CEP128: variants seen among roughly 807,000 people sequenced by gnomAD.
The protein encoded by CEP128 is centrosomal protein 128kDa.
Under a neutral mutation model 156.7 loss-of-function variants are expected in CEP128, and 132 were observed. The ratio of observed to expected loss-of-function variants is 0.84; its 90% CI spans 0.73 to 0.97. The LOEUF is 0.97. Ranked by LOEUF, CEP128 falls within the 50% of genes least tolerant of loss-of-function variation. The pLI is 0.00. For missense variants in CEP128, 1,252 were observed against 1,281.9 expected (o/e 0.98, Z 0.36); for synonymous variants, 469 against 448.9 (o/e 1.04, Z -0.57).
At chr14:80,899,410 A>G (rs936888875) in intron 7 of CEP128, among the ~76,000 whole-genome samples, 1 of 152,250 alleles carries the variant, frequency 6.6e-6, no homozygotes, top group African/African-American at 2.4e-5. Flanking sequence ...ATGAAAAGAC[A>G]GCAAAGAAGT....
chr14:80,683,836 C>T (rs770891472), intron 19 of CEP128, among the ~76,000 whole-genome samples: 4 of 151,850 alleles, frequency 2.6e-5, no homozygotes, highest in Non-Finnish European at 4.4e-5. Flanking sequence ...CACAATTATA[C>T]GAAAATGAAA....
chr14:80,944,411 A>T (rs1192839694), upstream of CEP128, among the ~76,000 whole-genome samples: 1 of 151,974 alleles, frequency 6.6e-6, no homozygotes, highest in African/African-American at 2.4e-5. Flanking sequence ...TTATAAGAGG[A>T]TTTTGCCCAC....
chr14:80,907,038 T>C (rs1954752667), intron 4 of CEP128, among the ~76,000 whole-genome samples: 1 of 152,102 alleles, frequency 6.6e-6, no homozygotes, highest in Non-Finnish European at 1.5e-5. Flanking sequence ...CGTTAAAAGG[T>C]AGAACACCAT....
chr14:80,848,997 G>T (rs1886752006), intron 9 of CEP128, among the ~76,000 whole-genome samples: 1 of 152,102 alleles, frequency 6.6e-6, no homozygotes, highest in Non-Finnish European at 1.5e-5. Flanking sequence ...AGACCACAAG[G>T]AGGTAAGAAT....
chr14:80,675,854 G>A (rs541194917), intron 19 of CEP128, among the ~76,000 whole-genome samples: 1 of 152,128 alleles, frequency 6.6e-6, no homozygotes, highest in Admixed American at 6.5e-5. Context: ...AATGTTCAAT[G>A]GAAATTGTTA....
intron 19 of CEP128, among the ~76,000 whole-genome samples, chr14:80,647,930 C>T (rs552181196): frequency 6.6e-6 from 1 of 152,142 alleles, no homozygotes; most frequent in South Asian, 2.1e-4. Context: ...TATAAATAAG[C>T]AGAGTATATG....
chr14:80,743,111 C>T lies in CEP128; in HGVS notation c.2770G>A (p.Glu924Lys), dbSNP rs1355952648. The T allele has an allele frequency of 1.2e-6, 2 of 1,613,632 alleles. No homozygotes were observed. Among genetic ancestry groups the T allele is most frequent in the African/African-American group, 2.7e-5 (2 of 74,900 alleles). ...QCLFQQIERQ[E>K]QLLDEIHREK... is the part of the protein sequence containing the mutation. ...CGATGTATTTCATCCAGAAGCTGCT[C>T]CTGCCTTTCTATCTGTTGAAAGAGA... The change falls in exon 19 of 25, where the codon GAG (glutamate) becomes AAG (lysine). Residue 924 changes from glutamate to lysine, a missense_variant. Glu to Lys is a moderately conservative substitution (Grantham distance 56, BLOSUM62 1). Coordinates refer to ENST00000555265, the MANE Select transcript of CEP128 (RefSeq NM_152446.5).
intron 24 of CEP128, among the ~76,000 whole-genome samples, chr14:80,503,706 A>T (rs922175531): frequency 6.6e-6 from 1 of 152,200 alleles, no homozygotes; most frequent in African/African-American, 2.4e-5. Flanking sequence ...TGAAAGAAAA[A>T]AAATTTGGCC....
At chr14:80,739,050 G>A (rs919942077) in intron 19 of CEP128, among the ~76,000 whole-genome samples, 5 of 152,154 alleles carry the variant, frequency 3.3e-5, no homozygotes, top group African/African-American at 9.7e-5. Context: ...TTCTACCAAC[G>A]CAGGTCATGC....
In CEP128 at chr14:80,905,748, A is replaced by G. The variant is rs574038340; in HGVS notation, c.361+207T>C. On this transcript the variant is annotated intron_variant, in intron 5 of 24. Transcript: ENST00000555265. ...GGTAAAGCTCTAATGTGGTCTACAG[A>G]GTTTGAGAAAAAAAAAAAAACAATA... The G allele has an allele frequency of 4.8e-5, 22 of 455,070 alleles. No individual in the cohort carries two copies. In the East Asian group the frequency reaches 8.2e-4, roughly 17 times the overall value. 28.2% of individuals were successfully genotyped at this position (455,070 alleles called of 1,614,324 possible).
intron 16 of CEP128, among the ~76,000 whole-genome samples, chr14:80,773,100 T>G (rs955607446): frequency 1.3e-5 from 2 of 152,154 alleles, no homozygotes; most frequent in Non-Finnish European, 2.9e-5. Flanking sequence ...TTTGGGTACC[T>G]AGTAACAAGA....
chr14:80,568,765 A>T (rs1435474814), intron 20 of CEP128, among the ~76,000 whole-genome samples: 1 of 152,108 alleles, frequency 6.6e-6, no homozygotes, highest in Non-Finnish European at 1.5e-5. Flanking sequence ...CTGCCCTCTG[A>T]TTATCATTGG....
intron 19 of CEP128, among the ~76,000 whole-genome samples, chr14:80,588,499 A>T (rs1472032402): frequency 6.6e-6 from 1 of 152,142 alleles, no homozygotes; most frequent in Non-Finnish European, 1.5e-5. Flanking sequence ...TTTAAGGTAT[A>T]TATGATATAC....
At chr14:80,525,265 T>A (rs1888924860) in intron 23 of CEP128, among the ~76,000 whole-genome samples, 1 of 152,202 alleles carries the variant, frequency 6.6e-6, no homozygotes, top group African/African-American at 2.4e-5. Context: ...ATTTATACTG[T>A]AATGGCACAG....
intron 19 of CEP128, among the ~76,000 whole-genome samples, chr14:80,626,357 G>C (rs367934751): frequency 4.0e-5 from 6 of 151,202 alleles, no homozygotes; most frequent in African/African-American, 1.5e-4. Flanking sequence ...CCAGCTACTC[G>C]GGAGGCTGAG....
At chr14:80,647,011 A>ATATATGTG (rs1233103116) in intron 19 of CEP128, among the ~76,000 whole-genome samples, 8 of 72,530 alleles carry the variant, frequency 1.1e-4, no homozygotes, top group South Asian at 4.8e-4. Flanking sequence ...ATATATATAT[A>ATATATGTG]TGTGTGTGTA....
chr14:80,479,478 GC>G (rs1887009227), intron 14 of CEP128, among the ~76,000 whole-genome samples: 1 of 152,120 alleles, frequency 6.6e-6, no homozygotes, highest in Non-Finnish European at 1.5e-5. Context: ...AGAAGCAAAA[GC>G]GGAAACCCCT....
In CEP128 at chr14:80,954,274, GA is replaced by G. The variant is rs58619212; in HGVS notation, c.-172+3903del. 1.6e-3 allele frequency among the ~76,000 whole-genome samples: 227 copies of G among 141,928 alleles called. 1 individual carries two copies. The highest frequency in any genetic ancestry group is 2.5e-3 in the Non-Finnish European group (159 of 63,982). The allele number at this position is 141,928 out of a possible 152,430, so 93.1% of individuals were successfully genotyped here. ...GACGGAGCAAGACTCCGTTTCAAAA[GA>G]AAAAAAAAAAGAAAAGAAAATTTGT... On this transcript the variant is annotated intron_variant, in intron 2 of 7. Coordinates refer to the CEP128 transcript ENST00000555529.
chr14:80,695,936 C>A (rs1361901374), intron 19 of CEP128, among the ~76,000 whole-genome samples: 1 of 152,020 alleles, frequency 6.6e-6, no homozygotes, highest in Non-Finnish European at 1.5e-5. Flanking sequence ...CTTCCAATTT[C>A]TTTATGAATT....
Sources: allele counts gnomAD v4.1 joint callset (sites outside exome capture counted in the v4.1 genomes callset), GRCh38; gene constraint gnomAD v4.1.1; transcripts MANE v1.5; gene names NCBI Gene and HGNC (gene_info 2026-07-23, HGNC 2026-07-21).